PCED1B: variants seen among roughly 807,000 people sequenced by gnomAD.
PCED1B encodes the protein PC-esterase domain containing 1B.
For synonymous variants in PCED1B, 251 were observed against 246.1 expected (o/e 1.02, Z -0.19); for missense variants, 573 against 573.9 (o/e 1.00, Z 0.02).
chr12:47,094,147 T>A (rs1938377401), intron 1 of PCED1B, among the ~76,000 whole-genome samples: 1 of 152,122 alleles, frequency 6.6e-6, no homozygotes, highest in South Asian at 2.1e-4. Context: ...TTGTGCTCAT[T>A]TCCTATTGGA....
chr12:47,087,046 A>G (rs889913823), intron 1 of PCED1B, among the ~76,000 whole-genome samples: 5 of 152,240 alleles, frequency 3.3e-5, no homozygotes, highest in Admixed American at 6.5e-5. Flanking sequence ...AGTCAGCACT[A>G]TTGCAAATAC....
chr12:47,087,646 A>G (rs907470986), intron 1 of PCED1B, among the ~76,000 whole-genome samples: 1 of 152,214 alleles, frequency 6.6e-6, no homozygotes, highest in Non-Finnish European at 1.5e-5. Context: ...TGCAACAGAA[A>G]ATATATACTT....
At chr12:47,101,674 C>G (rs371007433) in intron 1 of PCED1B, among the ~76,000 whole-genome samples, 2 of 152,088 alleles carry the variant, frequency 1.3e-5, no homozygotes, top group African/African-American at 2.4e-5. Context: ...GGTCCGGGCA[C>G]GGTGGCTCAC....
intron 2 of PCED1B, among the ~76,000 whole-genome samples, chr12:47,136,148 A>G (rs1272020491): frequency 3.3e-5 from 3 of 90,454 alleles, no homozygotes; most frequent in African/African-American, 1.3e-4. Context: ...TTCCTTTATT[A>G]TAATCATCTT....
intron 2 of PCED1B, among the ~76,000 whole-genome samples, chr12:47,126,625 G>A (rs1430038894): frequency 1.3e-5 from 2 of 152,046 alleles, no homozygotes; most frequent in African/African-American, 4.8e-5. Context: ...AGCCATCTGA[G>A]CCTGGAATTT....
At position 47,173,645 on chromosome 12, in the gene PCED1B, C is replaced by T. The variant is rs184418436; in HGVS notation, c.-525-42577C>T. Among the ~76,000 whole-genome samples, 344 of 151,342 alleles carry T rather than the reference C, an allele frequency of 2.3e-3. 1 individual carries two copies. Among genetic ancestry groups the T allele is most frequent in the Middle Eastern group, 6.8e-3 (2 of 294 alleles). ...AGCAAAATGTCTATGATATTTATAACGGAAGTTGGGCCATCCTGCCAAAGA... is the reference window on the plus strand; with the variant it reads ...AGCAAAATGTCTATGATATTTATAATGGAAGTTGGGCCATCCTGCCAAAGA... On this transcript the variant is annotated intron_variant, in intron 2 of 3. Coordinates refer to ENST00000546455, the MANE Select transcript of PCED1B (RefSeq NM_138371.3).
intron 2 of PCED1B, among the ~76,000 whole-genome samples, chr12:47,170,428 G>A (rs538360771): frequency 3.9e-4 from 59 of 149,994 alleles, no homozygotes; most frequent in Non-Finnish European, 6.2e-4. Context: ...ACGGGGTGGC[G>A]GCTGGGCAGA....
chr12:47,089,461 C>CATGTGTATATAT (rs1233280547), intron 1 of PCED1B, among the ~76,000 whole-genome samples: 2 of 63,398 alleles, frequency 3.2e-5, no homozygotes, highest in Non-Finnish European at 5.8e-5. Context: ...AAAAAAAATA[C>CATGTGTATATAT]ATATATATAT....
In PCED1B at chr12:47,186,497, A is replaced by G. The variant is rs140798244; in HGVS notation, c.-525-29725A>G. Among the ~76,000 whole-genome samples the G allele has an allele frequency of 9.4e-3, 1,437 of 152,162 alleles. 22 individuals are homozygous for G. The highest frequency in any genetic ancestry group is 0.029 in the African/African-American group (1,212 of 41,508). On this transcript the variant is annotated intron_variant, in intron 2 of 3. Coordinates refer to ENST00000546455, the MANE Select transcript of PCED1B (RefSeq NM_138371.3). ...GGGGGGTAGAGGGGGGCACTTTCAC[A>G]AGGGGAGCTTATGTTCTGTTTTCAG...
intron 2 of PCED1B, among the ~76,000 whole-genome samples, chr12:47,126,003 T>A (rs896651183): frequency 4.6e-5 from 7 of 152,080 alleles, no homozygotes; most frequent in African/African-American, 1.7e-4. Flanking sequence ...AAAATCACAT[T>A]TTTTTCTTAT....
intron 2 of PCED1B, among the ~76,000 whole-genome samples, chr12:47,164,073 C>T (rs1269544438): frequency 6.6e-6 from 1 of 152,198 alleles, no homozygotes. Context: ...CACCCCCCTA[C>T]AATGCCAAAC....
intron 2 of PCED1B, among the ~76,000 whole-genome samples, chr12:47,215,042 G>A (rs895145852): frequency 6.7e-5 from 10 of 150,070 alleles, no homozygotes; most frequent in Admixed American, 6.7e-4. Context: ...ACCTGGGGGT[G>A]GTATATTCTG....
At chr12:47,136,184 T>G (rs527853423) in intron 2 of PCED1B, among the ~76,000 whole-genome samples, 1 of 151,972 alleles carries the variant, frequency 6.6e-6, no homozygotes, top group Non-Finnish European at 1.5e-5. Context: ...CCATTTGTAC[T>G]TTTGCTCTGT....
chr12:47,121,082 C>T (rs1487574229), intron 2 of PCED1B, among the ~76,000 whole-genome samples: 1 of 152,082 alleles, frequency 6.6e-6, no homozygotes. Flanking sequence ...GTGATGGTTC[C>T]ACATGTCTAT....
intron 2 of PCED1B, among the ~76,000 whole-genome samples, chr12:47,182,318 G>A (rs956096916): frequency 2.0e-5 from 3 of 152,200 alleles, no homozygotes; most frequent in African/African-American, 4.8e-5. Context: ...CTACTGCCCT[G>A]GCACGGTTGC....
chr12:47,202,737 GTTTT>G (rs1158800871), intron 2 of PCED1B, among the ~76,000 whole-genome samples: 1 of 151,220 alleles, frequency 6.6e-6, no homozygotes, highest in African/African-American at 2.4e-5. Context: ...TATATTTACA[GTTTT>G]TTTATTTTTG....
At chr12:47,192,015 A>G (rs962450794) in intron 2 of PCED1B, among the ~76,000 whole-genome samples, 2 of 152,004 alleles carry the variant, frequency 1.3e-5, no homozygotes, top group Admixed American at 1.3e-4. Flanking sequence ...ACTCAATAGA[A>G]CACCAATTTA....
chr12:47,189,495 C>T (rs1471336262), intron 2 of PCED1B, among the ~76,000 whole-genome samples: 2 of 152,066 alleles, frequency 1.3e-5, no homozygotes, highest in Non-Finnish European at 1.5e-5. Context: ...CTTTAAAGGC[C>T]GCTAAATAAA....
chr12:47,188,026 T>A (rs905608070), intron 2 of PCED1B: 43 of 153,766 alleles, frequency 2.8e-4, no homozygotes, highest in African/African-American at 8.9e-4. Context: ...AGCTGCTTTA[T>A]TTCCACAGTT....
Sources: gnomAD v4.1 joint callset for allele counts (sites outside exome capture counted in the v4.1 genomes callset) on GRCh38, gnomAD v4.1.1 for gene constraint, MANE v1.5 for transcripts, NCBI Gene and HGNC (gene_info 2026-07-23, HGNC 2026-07-21) for gene names.